Variants in UGT1A10 observed in about 807,000 individuals in gnomAD.
UGT1A10 encodes the protein UDP-glucuronosyltransferase 1A10.
UGT1A10 carries 49 observed loss-of-function variants against 45.8 expected under a neutral mutation model. That is an observed-to-expected ratio of 1.07 (90% CI 0.85 to 1.36). The LOEUF is 1.36. Among genes scored for constraint, UGT1A10 ranks in the 40% most tolerant of loss-of-function variants. The pLI, the probability that UGT1A10 is intolerant of heterozygous loss-of-function variation, is 0.00. For synonymous variants in UGT1A10, 284 were observed against 249.7 expected (o/e 1.14, Z -1.29); for missense variants, 745 against 668.6 (o/e 1.11, Z -1.26).
intron 1 of UGT1A10, chr2:233,692,273 C>T (rs1455446026): frequency 6.6e-6 from 1 of 152,386 alleles, no homozygotes; most frequent in African/African-American, 2.4e-5. Flanking sequence ...GTACTTTTTC[C>T]TCTGGCTATT....
intron 1 of UGT1A10, among the ~76,000 whole-genome samples, chr2:233,716,316 T>C (rs1429812588): frequency 1.3e-5 from 2 of 152,236 alleles, no homozygotes; most frequent in Non-Finnish European, 2.9e-5. Context: ...CCACCTGTAA[T>C]GGAATATATT....
At chr2:233,690,359 C>T (rs1370213456) in intron 1 of UGT1A10, among the ~76,000 whole-genome samples, 1 of 152,158 alleles carries the variant, frequency 6.6e-6, no homozygotes, top group Non-Finnish European at 1.5e-5. Context: ...ACCTTAGAAG[C>T]AAACCTCTCC....
chr2:233,724,607 C>G (rs536726765), intron 1 of UGT1A10, among the ~76,000 whole-genome samples: 1,973 of 135,436 alleles, frequency 0.015, 114 homozygotes, highest in Non-Finnish European at 0.021. Context: ...GATGGGCGGC[C>G]GGGCAGAGAC....
chr2:233,757,561 T>TATATATATATATATATATATATATATAA (rs71058576), intron 1 of UGT1A10, among the ~76,000 whole-genome samples: 1 of 121,180 alleles, frequency 8.3e-6, no homozygotes, highest in Admixed American at 7.9e-5. Context: ...TATATATATA[T>TATATATATATATATATATATATATATAA]GTATATATGA....
At chr2:233,743,665 C>A (rs1373066127) in intron 1 of UGT1A10, 1 of 1,367,124 alleles carries the variant, frequency 7.3e-7, no homozygotes, top group Non-Finnish European at 9.8e-7. Flanking sequence ...CGAAGGGGTC[C>A]TCGAAGGGCC....
At chr2:233,724,183 G>C (rs1455555189) in intron 1 of UGT1A10, among the ~76,000 whole-genome samples, 1 of 117,596 alleles carries the variant, frequency 8.5e-6, no homozygotes, top group Non-Finnish European at 1.8e-5. Context: ...TCTCCCTCCC[G>C]GACGGGGTGG....
intron 1 of UGT1A10, chr2:233,755,251 C>A (rs1287732511): frequency 2.4e-6 from 2 of 830,672 alleles, no homozygotes; most frequent in Non-Finnish European, 3.6e-6. Context: ...ACTCCCAGCA[C>A]CTCGTAGTAG....
At chr2:233,680,576 C>T (rs1427631775) in intron 1 of UGT1A10, among the ~76,000 whole-genome samples, 1 of 152,178 alleles carries the variant, frequency 6.6e-6, no homozygotes, top group Non-Finnish European at 1.5e-5. Flanking sequence ...CTAACACACA[C>T]TGCTGAGCTC....
intron 1 of UGT1A10, among the ~76,000 whole-genome samples, chr2:233,758,923 C>T (rs1697018666): frequency 6.6e-6 from 1 of 152,192 alleles, no homozygotes; most frequent in Non-Finnish European, 1.5e-5. Context: ...TCATCTTTCC[C>T]TTTTGACTTC....
At chr2:233,730,757 G>C (rs2125758007) in intron 1 of UGT1A10, among the ~76,000 whole-genome samples, 1 of 152,258 alleles carries the variant, frequency 6.6e-6, no homozygotes, top group East Asian at 1.9e-4. Flanking sequence ...AGATAAGACT[G>C]TGAATCTATA....
chr2:233,744,158 C>T (rs1163100045), intron 1 of UGT1A10: 5 of 297,370 alleles, frequency 1.7e-5, no homozygotes, highest in Admixed American at 4.5e-5. Context: ...GACCAGGCCC[C>T]GCCCACTCCG....
chr2:233,705,149 AG>A (rs1246155898), intron 1 of UGT1A10, among the ~76,000 whole-genome samples: 3 of 145,754 alleles, frequency 2.1e-5, no homozygotes, highest in African/African-American at 5.2e-5. Context: ...AAAAAAAAAA[AG>A]AGAGAGAGAG....
At chr2:233,685,871 C>T (rs1042918991) in intron 1 of UGT1A10, among the ~76,000 whole-genome samples, 1 of 152,122 alleles carries the variant, frequency 6.6e-6, no homozygotes, top group African/African-American at 2.4e-5. Flanking sequence ...ATACCTAAGA[C>T]AATCAATAAT....
chr2:233,661,967 C>T (rs2073979920), intron 1 of UGT1A10, among the ~76,000 whole-genome samples: 1 of 152,032 alleles, frequency 6.6e-6, no homozygotes, highest in African/African-American at 2.4e-5. Flanking sequence ...ATGAACTGTA[C>T]ACATGGAGAT....
At chr2:233,724,957 G>A in intron 1 of UGT1A10, among the ~76,000 whole-genome samples, 1 of 142,916 alleles carries the variant, frequency 7.0e-6, no homozygotes, top group Non-Finnish European at 1.5e-5. Flanking sequence ...GGCACCTCGG[G>A]AGGCCGAGGT....
chr2:233,698,310 A>G (rs922049973), intron 1 of UGT1A10, among the ~76,000 whole-genome samples: 1 of 152,222 alleles, frequency 6.6e-6, no homozygotes, highest in Non-Finnish European at 1.5e-5. Flanking sequence ...GGACAGATGG[A>G]AATGTCTGGA....
chr2:233,725,813 T>C (rs566804678), intron 1 of UGT1A10, among the ~76,000 whole-genome samples: 29 of 152,324 alleles, frequency 1.9e-4, no homozygotes, highest in African/African-American at 7.0e-4. Context: ...ATCCATTTTA[T>C]TGGATACCAG....
chr2:233,682,010 G>A (rs748366826), intron 1 of UGT1A10: 2 of 1,614,142 alleles, frequency 1.2e-6, no homozygotes, highest in East Asian at 2.2e-5. Flanking sequence ...CTTTGCCAAG[G>A]CAGGGAAGCT....
chr2:233,744,372 A>C (rs181518181), intron 1 of UGT1A10, among the ~76,000 whole-genome samples: 3 of 151,890 alleles, frequency 2.0e-5, no homozygotes. Flanking sequence ...TTAGGACTGC[A>C]GTTCTCCAAC....
Sources: allele counts gnomAD v4.1 joint callset (sites outside exome capture counted in the v4.1 genomes callset), GRCh38; gene constraint gnomAD v4.1.1; transcripts MANE v1.5; gene names NCBI Gene and HGNC (gene_info 2026-07-23, HGNC 2026-07-21).